The following RTN4 variants were observed in gnomAD, a reference collection of about 807,000 sequenced individuals.
RTN4 encodes reticulon 4.
In RTN4, 32 loss-of-function variants were observed where a neutral mutation model predicts 90.4. That is an observed-to-expected ratio of 0.35 (90% CI 0.27 to 0.48). The LOEUF (loss-of-function observed/expected upper bound fraction) is 0.48. RTN4 is among the 20% of genes least tolerant of loss of function. The pLI is 0.99. For synonymous variants in RTN4, 629 were observed against 552.5 expected (o/e 1.14, Z -1.94); for missense variants, 1,706 against 1,430.2 (o/e 1.19, Z -3.11).
At chr2:55,086,930 G>A (rs1668853088) in intron 1 of RTN4, among the ~76,000 whole-genome samples, 1 of 151,832 alleles carries the variant, frequency 6.6e-6, no homozygotes, top group African/African-American at 2.4e-5. Flanking sequence ...AAAGTGCCGG[G>A]ATTACAGGCA....
At chr2:55,022,485 C>G (rs1476877842) in intron 3 of RTN4, among the ~76,000 whole-genome samples, 1 of 152,120 alleles carries the variant, frequency 6.6e-6, no homozygotes, top group East Asian at 1.9e-4. Context: ...CTAAATCGTT[C>G]TCTCATATTC....
At chr2:55,104,552 T>G (rs2902655) in intron 1 of RTN4, among the ~76,000 whole-genome samples, 1 of 151,432 alleles carries the variant, frequency 6.6e-6, no homozygotes, top group Admixed American at 6.6e-5. Context: ...GATTTCACCA[T>G]GTTGACGAAG....
chr2:55,123,546 G>T, the RTN4 span, among the ~76,000 whole-genome samples: 1 of 151,944 alleles, frequency 6.6e-6, no homozygotes, highest in Non-Finnish European at 1.5e-5. Context: ...AATTGAAAAT[G>T]AAGTTGCTAA....
chr2:55,038,708 A>G (rs766873544), intron 1 of RTN4, among the ~76,000 whole-genome samples: 3 of 152,236 alleles, frequency 2.0e-5, no homozygotes, highest in Non-Finnish European at 4.4e-5. Flanking sequence ...AACTTCTTAT[A>G]AAGTTAAATA....
intron 1 of RTN4, among the ~76,000 whole-genome samples, chr2:55,035,719 C>G (rs1179405414): frequency 6.6e-6 from 1 of 151,586 alleles, no homozygotes; most frequent in African/African-American, 2.4e-5. Flanking sequence ...GACTGAGAGA[C>G]AGAGAGAGGA....
At chr2:54,993,270 A>T (rs1679169049) in intron 3 of RTN4, among the ~76,000 whole-genome samples, 1 of 152,078 alleles carries the variant, frequency 6.6e-6, no homozygotes, top group African/African-American at 2.4e-5. Context: ...TCAGAAAAAA[A>T]TTCACCCCAT....
chr2:55,133,585 C>T, the RTN4 span, among the ~76,000 whole-genome samples: 1 of 152,148 alleles, frequency 6.6e-6, no homozygotes, highest in Non-Finnish European at 1.5e-5. Context: ...CTGTAAGGTA[C>T]CCTTGAGGTG....
chr2:55,111,083 G>A (rs747846947), intron 1 of RTN4, among the ~76,000 whole-genome samples: 9 of 152,144 alleles, frequency 5.9e-5, no homozygotes, highest in African/African-American at 2.2e-4. Context: ...CCGCATGGGG[G>A]ATAAGGTCTG....
At chr2:55,036,458 C>T (rs1434494060) in intron 1 of RTN4, among the ~76,000 whole-genome samples, 1 of 151,686 alleles carries the variant, frequency 6.6e-6, no homozygotes, top group East Asian at 1.9e-4. Context: ...AAAAATCACC[C>T]AGGTGTGGTG....
intron 1 of RTN4, among the ~76,000 whole-genome samples, chr2:55,085,021 G>T (rs900843148): frequency 3.9e-5 from 6 of 152,136 alleles, no homozygotes; most frequent in Non-Finnish European, 8.8e-5. Flanking sequence ...TTACTCCTGG[G>T]TTCAAACGAT....
At chr2:54,998,379 A>C (rs902247362) in intron 3 of RTN4, among the ~76,000 whole-genome samples, 2 of 152,228 alleles carry the variant, frequency 1.3e-5, no homozygotes, top group African/African-American at 4.8e-5. Context: ...AGAGCTGAGC[A>C]GAAAGCCAAA....
At chr2:54,973,492 T>C in intron 8 of RTN4, 71 bp downstream of exon 8, 1 of 1,193,604 alleles carries the variant, frequency 8.4e-7, no homozygotes, top group Non-Finnish European at 1.2e-6. Flanking sequence ...ATGCCTGCAA[T>C]ATGAAAATAC....
chr2:55,027,468 C>T lies in RTN4; in HGVS notation c.631G>A (p.Glu211Lys). The change falls in exon 3 of 9, where the codon GAG (glutamate) becomes AAG (lysine). Residue 211 changes from glutamate (E) to lysine (K), a missense_variant. Physicochemically the swap from Glu to Lys is moderately conservative, Grantham distance 56. Coordinates refer to ENST00000337526, the MANE Select transcript of RTN4 (RefSeq NM_020532.5). The stretch of plus-strand genomic sequence containing the variant: ...GCCGAAATAGTGTTACCTGGCTGCT[C>T]CTTCAAGTCCATATTTTCTGTGACC... The part of the protein sequence containing the change: ...RSSAENMDLK[E>K]QPGNTISAGQ... 6.2e-7 allele frequency: 1 copy of T among 1,605,118 alleles called. No individual in the cohort carries two copies. The highest frequency in any genetic ancestry group is 1.1e-5 in the South Asian group (1 of 89,706).
chr2:55,019,890 G>A (rs189829676), intron 3 of RTN4, among the ~76,000 whole-genome samples: 5 of 151,832 alleles, frequency 3.3e-5, no homozygotes, highest in East Asian at 1.9e-4. Flanking sequence ...CAAAAATATC[G>A]CATGTCTTTA....
intron 1 of RTN4, among the ~76,000 whole-genome samples, chr2:55,106,491 A>G (rs1451631371): frequency 6.6e-6 from 1 of 152,078 alleles, no homozygotes; most frequent in Non-Finnish European, 1.5e-5. Flanking sequence ...ATTTCTAGAT[A>G]CATTTTGTTG....
intron 6 of RTN4, chr2:54,974,131 A>T (rs1677399293): frequency 2.6e-6 from 1 of 385,848 alleles, no homozygotes; most frequent in Non-Finnish European, 4.7e-6. Flanking sequence ...AAATAAAGGT[A>T]TCCCTGGTTA....
chr2:55,049,547 T>A, intron 1 of RTN4, 198 bp downstream of exon 1: 1 of 858,506 alleles, frequency 1.2e-6, no homozygotes, highest in Middle Eastern at 2.2e-4. Context: ...AGACGGACAA[T>A]AAGAACAAAC....
chr2:55,113,550 A>T (rs1668074728), upstream of RTN4, among the ~76,000 whole-genome samples: 1 of 152,194 alleles, frequency 6.6e-6, no homozygotes, highest in Non-Finnish European at 1.5e-5. Context: ...AAGTTGCTGC[A>T]GTAGCCCTTG....
chr2:55,088,349 T>G (rs1171454122), intron 1 of RTN4, among the ~76,000 whole-genome samples: 1 of 152,252 alleles, frequency 6.6e-6, no homozygotes, highest in Non-Finnish European at 1.5e-5. Flanking sequence ...GTTTGTTTAT[T>G]TAAAAATGCA....
Sources: gnomAD v4.1 joint callset for allele counts (sites outside exome capture counted in the v4.1 genomes callset) on GRCh38, gnomAD v4.1.1 for gene constraint, MANE v1.5 for transcripts, NCBI Gene and HGNC (gene_info 2026-07-23, HGNC 2026-07-21) for gene names.